RGS7: variants seen among roughly 807,000 people sequenced by gnomAD.
RGS7 encodes the protein regulator of G-protein signaling 7.
RGS7 carries 27 observed loss-of-function variants against 81.1 expected under a neutral mutation model. The observed-to-expected ratio is 0.33, with a 90% CI of 0.25 to 0.46. The LOEUF (loss-of-function observed/expected upper bound fraction) is 0.46, where lower values mean the gene tolerates loss of function less well. RGS7 is among the 20% of genes least tolerant of loss of function. The pLI is 1.00. For synonymous variants in RGS7, 208 were observed against 207.7 expected, an observed-to-expected ratio of 1.00 and a Z score of -0.01; for missense variants, 396 against 607.4, an observed-to-expected ratio of 0.65 and a Z score of 3.66.
At chr1:240,942,142 G>C (rs1677693399) in intron 4 of RGS7, among the ~76,000 whole-genome samples, 1 of 152,052 alleles carries the variant, frequency 6.6e-6, no homozygotes, top group Non-Finnish European at 1.5e-5. Flanking sequence ...AAACTCTAAA[G>C]GAATGGTATT....
At chr1:241,314,443 G>GT (rs1052604687) in intron 2 of RGS7, among the ~76,000 whole-genome samples, 2 of 152,244 alleles carry the variant, frequency 1.3e-5, no homozygotes, top group African/African-American at 4.8e-5. Context: ...TATGTACCTT[G>GT]TTTTTTTAGC....
intron 5 of RGS7, among the ~76,000 whole-genome samples, chr1:240,933,938 T>C (rs1309156904): frequency 6.6e-6 from 1 of 151,972 alleles, no homozygotes; most frequent in Non-Finnish European, 1.5e-5. Context: ...TATCTCAAAT[T>C]AATGCTTTGA....
At chr1:241,296,585 T>C (rs74150253) in intron 2 of RGS7, among the ~76,000 whole-genome samples, 3,811 of 152,336 alleles carry the variant, frequency 0.025, 161 homozygotes, top group African/African-American at 0.087. Flanking sequence ...TCCTCCTTTG[T>C]CCACATGGAC....
rs1664172545 is a variant in RGS7 at position 240,869,908 on chromosome 1, C to G, written c.450+147G>C. 17 of 772,392 alleles carry G rather than the reference C, an allele frequency of 2.2e-5. No individual in the cohort carries two copies. The South Asian group carries it at 2.4e-4, about 11-fold the overall frequency. 47.8% of individuals were successfully genotyped at this position (772,392 alleles called of 1,614,324 possible). On this transcript the variant is annotated intron_variant, in intron 7 of 18. Coordinates refer to ENST00000440928, the MANE Select transcript of RGS7 (RefSeq NM_001364886.1). The stretch of plus-strand genomic sequence containing the variant: ...TGAGCCAAGATCGTGCCACTGCACT[C>G]TAGCCTGGGTGACAAGAGTGAAACT...
intron 6 of RGS7, chr1:240,920,492 T>C (rs1673333067): frequency 3.3e-6 from 3 of 913,112 alleles, no homozygotes; most frequent in Admixed American, 1.7e-5. Flanking sequence ...GAGGAAACTT[T>C]GGAGGCAGAA....
At chr1:241,030,373 T>TATATATATATATATATACAC (rs374223475) in intron 3 of RGS7, among the ~76,000 whole-genome samples, 102 of 135,230 alleles carry the variant, frequency 7.5e-4, no homozygotes, top group Middle Eastern at 8.0e-3. Context: ...TATATATATA[T>TATATATATATATATATACAC]ACATACACAC....
chr1:241,187,307 G>A (rs1369436296), intron 2 of RGS7, among the ~76,000 whole-genome samples: 2 of 152,128 alleles, frequency 1.3e-5, no homozygotes, highest in African/African-American at 2.4e-5. Flanking sequence ...ATCCTGTGAA[G>A]TAGGTAATAG....
At chr1:241,258,875 G>C (rs2077170794) in intron 2 of RGS7, among the ~76,000 whole-genome samples, 1 of 152,172 alleles carries the variant, frequency 6.6e-6, no homozygotes, top group South Asian at 2.1e-4. Flanking sequence ...TTATCCTGCA[G>C]GCTTCAAAGA....
intron 2 of RGS7, among the ~76,000 whole-genome samples, chr1:241,247,735 C>A (rs1009490862): frequency 1.3e-5 from 2 of 151,828 alleles, no homozygotes; most frequent in African/African-American, 4.8e-5. Context: ...TGCTAAATCT[C>A]TAAATACTCT....
chr1:241,019,996 G>A (rs2059459949), intron 3 of RGS7, among the ~76,000 whole-genome samples: 1 of 152,176 alleles, frequency 6.6e-6, no homozygotes, highest in Non-Finnish European at 1.5e-5. Flanking sequence ...AAAGAGTGAT[G>A]ACTTCTAAGT....
chr1:241,342,156 G>C (rs533951865), intron 2 of RGS7, among the ~76,000 whole-genome samples: 5 of 152,160 alleles, frequency 3.3e-5, no homozygotes, highest in Admixed American at 3.3e-4. Flanking sequence ...TTACAGGCAT[G>C]AACCACCACA....
chr1:240,873,167 C>T (rs934365902), intron 6 of RGS7, among the ~76,000 whole-genome samples: 8 of 152,114 alleles, frequency 5.3e-5, no homozygotes, highest in Non-Finnish European at 2.9e-5. Flanking sequence ...TGGCACTGAA[C>T]ATGCTCTATA....
At chr1:241,072,999 C>T (rs1393340611) in intron 3 of RGS7, among the ~76,000 whole-genome samples, 1 of 152,142 alleles carries the variant, frequency 6.6e-6, no homozygotes, top group Admixed American at 6.5e-5. Context: ...TCCATTCTTA[C>T]AATAAATCCA....
chr1:241,119,977 C>G (rs1238352761), intron 2 of RGS7, among the ~76,000 whole-genome samples: 1 of 152,060 alleles, frequency 6.6e-6, no homozygotes, highest in Non-Finnish European at 1.5e-5. Flanking sequence ...TTGATCTCTT[C>G]AAAGCCATCT....
intron 2 of RGS7, among the ~76,000 whole-genome samples, chr1:241,343,346 G>A (rs139205123): frequency 0.01 from 1,557 of 152,062 alleles, 18 homozygotes; most frequent in Non-Finnish European, 0.013. Flanking sequence ...ACTGACAGCA[G>A]AGACTCCACA....
chr1:241,158,686 C>T lies in RGS7; in HGVS notation c.79-59924G>A, dbSNP rs1048272108. ...GGGTATTTTAGATCTGCCCCAAACTCAGGTAGAAAAAGTTTCCCTGACCTT... is the reference window on the plus strand; with the variant it reads ...GGGTATTTTAGATCTGCCCCAAACTTAGGTAGAAAAAGTTTCCCTGACCTT... On this transcript the variant is annotated intron_variant, in intron 2 of 18. Transcript: ENST00000440928. Among the ~76,000 whole-genome samples the T allele has an allele frequency of 2.6e-5, 4 of 152,290 alleles. No individual in the cohort carries two copies. The East Asian group carries it at 5.8e-4, about 22-fold the overall frequency.
At chr1:240,908,260 A>G (rs1386487419) in intron 6 of RGS7, among the ~76,000 whole-genome samples, 1 of 151,998 alleles carries the variant, frequency 6.6e-6, no homozygotes, top group Non-Finnish European at 1.5e-5. Flanking sequence ...CGACGAGTTA[A>G]TGGGTGCAGT....
intron 2 of RGS7, among the ~76,000 whole-genome samples, chr1:241,106,845 A>AT (rs2065151801): frequency 6.8e-6 from 1 of 147,944 alleles, no homozygotes; most frequent in African/African-American, 2.5e-5. Flanking sequence ...TCCTTTTGTG[A>AT]TTTTGCAGAA....
intron 2 of RGS7, among the ~76,000 whole-genome samples, chr1:241,193,544 T>C (rs892730733): frequency 6.6e-6 from 1 of 152,248 alleles, no homozygotes; most frequent in African/African-American, 2.4e-5. Flanking sequence ...TTGGATATAG[T>C]GTTTAGTTGC....
Sources: gnomAD v4.1 joint callset for allele counts (sites outside exome capture counted in the v4.1 genomes callset) on GRCh38, gnomAD v4.1.1 for gene constraint, MANE v1.5 for transcripts, NCBI Gene and HGNC (gene_info 2026-07-23, HGNC 2026-07-21) for gene names.